Variants in EVI5 observed in about 807,000 individuals in gnomAD.
EVI5 encodes the protein ecotropic viral integration site 5 protein homolog.
EVI5 carries 73 observed loss-of-function variants against 112.0 expected under a neutral mutation model. The observed-to-expected ratio is 0.65, with a 90% CI of 0.54 to 0.79. EVI5 has a LOEUF of 0.79. Among genes scored for constraint, EVI5 ranks in the 30% least tolerant of loss-of-function variants. The pLI, the probability that EVI5 is intolerant of heterozygous loss-of-function variation, is 0.00. For synonymous variants in EVI5, 305 were observed against 319.9 expected, an observed-to-expected ratio of 0.95 and a Z score of 0.50; for missense variants, 900 against 968.8, an observed-to-expected ratio of 0.93 and a Z score of 0.94.
intron 7 of EVI5, among the ~76,000 whole-genome samples, chr1:92,694,797 T>C (rs930629042): frequency 2.6e-5 from 4 of 152,186 alleles, no homozygotes; most frequent in African/African-American, 7.2e-5. Flanking sequence ...AATAACAACA[T>C]TGAGTTCACA....
intron 17 of EVI5, among the ~76,000 whole-genome samples, chr1:92,606,922 ACC>A (rs200417920): frequency 0.54 from 69,587 of 128,884 alleles, 17,149 homozygotes; most frequent in East Asian, 0.74. Context: ...ACACACACAC[ACC>A]CCCCCAAACC....
intron 19 of EVI5, among the ~76,000 whole-genome samples, chr1:92,526,461 T>C (rs1472372838): frequency 6.6e-6 from 1 of 152,144 alleles, no homozygotes; most frequent in Non-Finnish European, 1.5e-5. Context: ...CAAGAGAGCA[T>C]GGTAGGTCTG....
chr1:92,552,699 G>A (rs537801242), intron 19 of EVI5, among the ~76,000 whole-genome samples: 8 of 152,188 alleles, frequency 5.3e-5, no homozygotes, highest in South Asian at 4.1e-4. Context: ...AGTTGGCTGC[G>A]CACTCGAATT....
chr1:92,526,650 G>C (rs1427937246), intron 19 of EVI5, among the ~76,000 whole-genome samples: 1 of 152,188 alleles, frequency 6.6e-6, no homozygotes, highest in East Asian at 1.9e-4. Flanking sequence ...TCTGGAAAAG[G>C]AAAAATTATG....
intron 2 of EVI5, chr1:92,713,965 T>A (rs757224240): frequency 3.1e-5 from 29 of 924,488 alleles, no homozygotes; most frequent in Non-Finnish European, 3.2e-5. Context: ...CCTCCTTAAT[T>A]AAAATGCAAT....
intron 1 of EVI5, among the ~76,000 whole-genome samples, chr1:92,770,846 C>T (rs911494556): frequency 6.6e-5 from 10 of 151,586 alleles, no homozygotes; most frequent in African/African-American, 2.4e-4. Flanking sequence ...TTTGTTTTTT[C>T]GATCTGCCAC....
intron 19 of EVI5, among the ~76,000 whole-genome samples, chr1:92,539,348 C>G (rs1378203934): frequency 6.6e-6 from 1 of 152,004 alleles, no homozygotes; most frequent in Non-Finnish European, 1.5e-5. Context: ...GGAGACCATC[C>G]TGGCTAACAC....
chr1:92,695,808 G>T (rs201720011), intron 6 of EVI5, among the ~76,000 whole-genome samples: 1 of 151,980 alleles, frequency 6.6e-6, no homozygotes, highest in African/African-American at 2.4e-5. Flanking sequence ...GAAAATAAAT[G>T]GTATGTTAAA....
upstream of EVI5, among the ~76,000 whole-genome samples, chr1:92,789,117 T>C (rs546350746): frequency 1.9e-4 from 29 of 152,288 alleles, no homozygotes; most frequent in African/African-American, 7.0e-4. Flanking sequence ...TTCTCTGAAA[T>C]TGTAATATTT....
intron 18 of EVI5, among the ~76,000 whole-genome samples, chr1:92,595,289 A>C (rs1647427799): frequency 6.6e-6 from 1 of 151,628 alleles, no homozygotes; most frequent in African/African-American, 2.4e-5. Flanking sequence ...GCTGGAAACC[A>C]TCATTCTCAG....
chr1:92,554,395 G>A (rs1186895945), intron 19 of EVI5, among the ~76,000 whole-genome samples: 1 of 152,128 alleles, frequency 6.6e-6, no homozygotes, highest in Non-Finnish European at 1.5e-5. Context: ...TCTCAGCTAC[G>A]AACTAGCTTT....
At position 92,625,906 on chromosome 1, in the gene EVI5, T is replaced by C; in HGVS notation, c.1556A>G (p.Asn519Ser). Residue 519 changes from asparagine to serine, a missense_variant, in exon 15 of 20, where the codon AAT becomes AGT. Physicochemically the swap from Asn to Ser is conservative, Grantham distance 46. Coordinates refer to ENST00000684568, the MANE Select transcript of EVI5 (RefSeq NM_001350197.2). The stretch of plus-strand genomic sequence containing the variant: ...GAGTTCTTCCTGAAGCCTTGCAATA[T>C]TATTCTCATCAGGAAGGGAGTTATT... Reference protein sequence around the residue: ...KRNNSLPDENNIARLQEELIA... With the variant: ...KRNNSLPDENSIARLQEELIA... The C allele has an allele frequency of 6.2e-7, 1 of 1,608,508 alleles. No individual in the cohort carries two copies. Among genetic ancestry groups the C allele is most frequent in the African/African-American group, 1.3e-5 (1 of 74,930 alleles).
chr1:92,765,808 G>C (rs1379294622), intron 1 of EVI5, among the ~76,000 whole-genome samples: 2 of 152,052 alleles, frequency 1.3e-5, no homozygotes, highest in African/African-American at 4.8e-5. Context: ...GGGCATGGTG[G>C]TTCATGCCTG....
At chr1:92,602,054 C>T (rs1649291838) in intron 18 of EVI5, among the ~76,000 whole-genome samples, 1 of 152,124 alleles carries the variant, frequency 6.6e-6, no homozygotes, top group Admixed American at 6.6e-5. Flanking sequence ...ATGGGGACTA[C>T]TACCAGCAGA....
chr1:92,646,805 G>A (rs183391902), intron 13 of EVI5, among the ~76,000 whole-genome samples: 1 of 152,308 alleles, frequency 6.6e-6, no homozygotes, highest in Non-Finnish European at 1.5e-5. Context: ...TTTTGGGGAT[G>A]TTTGGAAATA....
chr1:92,636,133 G>T, intron 14 of EVI5, 69 bp downstream of exon 14: 1 of 1,284,634 alleles, frequency 7.8e-7, no homozygotes, highest in Non-Finnish European at 1.1e-6. Flanking sequence ...AAATTGCTCA[G>T]TAAGTACTTA....
intron 16 of EVI5, chr1:92,622,332 G>T (rs982970448): frequency 8.9e-6 from 4 of 448,992 alleles, no homozygotes; most frequent in Non-Finnish European, 1.8e-5. Context: ...GGGGTCCACA[G>T]GTTCCAGACT....
intron 2 of EVI5, among the ~76,000 whole-genome samples, chr1:92,726,408 T>A (rs1009707364): frequency 6.6e-6 from 1 of 152,100 alleles, no homozygotes; most frequent in Non-Finnish European, 1.5e-5. Flanking sequence ...AATCGCAACA[T>A]TAAAATATTT....
At chr1:92,695,565 T>C (rs1295654393) in intron 6 of EVI5, 112 bp from the exon 7 acceptor site, 10 of 602,848 alleles carry the variant, frequency 1.7e-5, no homozygotes, top group Non-Finnish European at 2.1e-5. Context: ...AAGCATCATA[T>C]GGAAAAGGTA....
Sources: gnomAD v4.1 joint callset for allele counts (sites outside exome capture counted in the v4.1 genomes callset) on GRCh38, gnomAD v4.1.1 for gene constraint, MANE v1.5 for transcripts, NCBI Gene and HGNC (gene_info 2026-07-23, HGNC 2026-07-21) for gene names.